Variants in ZNF251 observed in about 807,000 individuals in gnomAD.
ZNF251 encodes zinc finger protein 251.
In ZNF251, 14 loss-of-function variants were observed where a neutral mutation model predicts 13.5. The observed-to-expected ratio is 1.04, with a 90% CI of 0.69 to 1.63. ZNF251 has a LOEUF of 1.63. Ranked by LOEUF, ZNF251 falls within the 40% of genes most tolerant of loss-of-function variation. The pLI is 0.00. For missense variants in ZNF251, 764 were observed against 834.9 expected (o/e 0.92, Z 1.05); for synonymous variants, 287 against 295.2 (o/e 0.97, Z 0.28).
chr8:144,752,701 G>C (rs758532170), intron 4 of ZNF251, among the ~76,000 whole-genome samples: 2 of 152,148 alleles, frequency 1.3e-5, no homozygotes. Context: ...AAGAGATGGG[G>C]AAATTTTTGG....
intron 4 of ZNF251, among the ~76,000 whole-genome samples, chr8:144,753,274 G>GAAAA (rs11336657): frequency 4.8e-4 from 20 of 41,830 alleles, no homozygotes; most frequent in East Asian, 8.7e-4. Flanking sequence ...ATTCTGTCTC[G>GAAAA]AAAAAAAAAA....
chr8:144,745,550 T>C (rs114832590), intron 4 of ZNF251, among the ~76,000 whole-genome samples: 1,819 of 152,146 alleles, frequency 0.012, 35 homozygotes, highest in African/African-American at 0.042. Flanking sequence ...CCTGCTGAGT[T>C]TTTTTCGTTT....
rs1243482890 is a variant in ZNF251, at chr8:144,734,159, C to T, written c.278-10777G>A. On this transcript the variant is annotated intron_variant, in intron 4 of 4. Transcript: ENST00000292562. This position sits in a 1 kb window ranked among gnomAD's most constrained non-coding sequence, Gnocchi z 4.4. ...TGGGACCTTCCCATGCCACACCTGCCTGGTGTTTTCCTTTGTCCCAGCGCT... is the reference window on the plus strand; with the variant it reads ...TGGGACCTTCCCATGCCACACCTGCTTGGTGTTTTCCTTTGTCCCAGCGCT... 6.6e-6 allele frequency among the ~76,000 whole-genome samples: 1 copy of T among 152,222 alleles called. No homozygotes were observed. The highest frequency in any genetic ancestry group is 6.5e-5 in the Admixed American group (1 of 15,288).
intron 4 of ZNF251, among the ~76,000 whole-genome samples, chr8:144,752,855 TGAG>T (rs1425809693): frequency 6.6e-6 from 1 of 151,968 alleles, no homozygotes; most frequent in Non-Finnish European, 1.5e-5. Context: ...GGGAAAGGAA[TGAG>T]GAGGAAAAGG....
At chr8:144,739,642 T>TA (rs1460235300) in intron 4 of ZNF251, among the ~76,000 whole-genome samples, 3 of 152,350 alleles carry the variant, frequency 2.0e-5, no homozygotes, top group South Asian at 4.1e-4. Flanking sequence ...TTTGATGCTG[T>TA]AATCCCAGCA....
At chr8:144,743,150 G>C (rs528420059) in intron 4 of ZNF251, among the ~76,000 whole-genome samples, 10 of 152,108 alleles carry the variant, frequency 6.6e-5, no homozygotes, top group Non-Finnish European at 1.3e-4. Context: ...TGCAAACTCC[G>C]CCTCCCGGGT....
intron 4 of ZNF251, among the ~76,000 whole-genome samples, chr8:144,729,131 A>G (rs2129944881): frequency 6.6e-6 from 1 of 151,318 alleles, no homozygotes. Context: ...GCAAAGCCAC[A>G]ACAAAGTGAA....
At chr8:144,741,500 G>T (rs1380927140) in intron 4 of ZNF251, among the ~76,000 whole-genome samples, 2 of 152,146 alleles carry the variant, frequency 1.3e-5, no homozygotes, top group Non-Finnish European at 2.9e-5. Flanking sequence ...AATAGAGCAC[G>T]TTTTTGTGAG....
intron 4 of ZNF251, among the ~76,000 whole-genome samples, chr8:144,737,920 G>A (rs1823979467): frequency 6.6e-6 from 1 of 151,140 alleles, no homozygotes; most frequent in African/African-American, 2.4e-5. Flanking sequence ...TAAAATTCTT[G>A]GGCACTGTCT....
At chr8:144,754,509 C>T in intron 2 of ZNF251, 187 bp downstream of exon 2, 1 of 1,447,846 alleles carries the variant, frequency 6.9e-7, no homozygotes, top group Non-Finnish European at 9.1e-7. Flanking sequence ...ACACGGGGAC[C>T]CAGCTGAGCT....
chr8:144,728,800 A>C (rs1823597981), intron 4 of ZNF251, among the ~76,000 whole-genome samples: 1 of 152,166 alleles, frequency 6.6e-6, no homozygotes, highest in African/African-American at 2.4e-5. Flanking sequence ...TTTGTAAAAA[A>C]AAATGTTCGC....
chr8:144,746,672 C>T (rs934007237), intron 4 of ZNF251, among the ~76,000 whole-genome samples: 8 of 152,110 alleles, frequency 5.3e-5, no homozygotes, highest in South Asian at 4.1e-4. Context: ...ACAGACATAG[C>T]CCTATTCAGA....
chr8:144,732,546 CT>C (rs1292073922), intron 4 of ZNF251, among the ~76,000 whole-genome samples: 7 of 152,192 alleles, frequency 4.6e-5, no homozygotes, highest in African/African-American at 1.4e-4. Flanking sequence ...GGCGCGGTGG[CT>C]CACGCCTGTA....
In ZNF251 at chr8:144,721,375, C is replaced by T. The variant is rs902257933; in HGVS notation, c.*269G>A. On this transcript the variant is annotated 3_prime_UTR_variant, in exon 5 of 5. Transcript: ENST00000292562. ...GAGCACCAGCTGGGCTCACTTTTCA[C>T]GCCCTCCATCCATTCGTCATGAGTA... is the stretch of plus-strand genomic sequence containing the variant. 1.7e-5 allele frequency: 7 copies of T among 401,386 alleles called. No homozygotes were observed. Among genetic ancestry groups the T allele is most frequent in the Middle Eastern group, 6.2e-4 (1 of 1,620 alleles). The allele number at this position is 401,386 out of a possible 1,614,324, so 24.9% of individuals were successfully genotyped here.
Position 144,753,684 on chromosome 8 carries a change from T to G in ZNF251, c.276A>C (p.Lys92Asn). ...GATTAGCATCCCATCCATTCTCACC[T>G]TTCTGGCAGCTTTTCAAGATATCTG... ...EEPDILKSCQKDSEVGTKKEL... is the reference protein window; with the variant it reads ...EEPDILKSCQNDSEVGTKKEL... The change falls in exon 4 of 5, where the codon AAA becomes AAC. Residue 92 changes from lysine to asparagine, a missense_variant and splice_region_variant. Coordinates refer to ENST00000292562, the MANE Select transcript of ZNF251 (RefSeq NM_138367.2). 2 of 1,571,028 alleles carry G rather than the reference T, an allele frequency of 1.3e-6. No homozygotes were observed. Among genetic ancestry groups the G allele is most frequent in the South Asian group, 2.3e-5 (2 of 85,570 alleles).
At chr8:144,725,714 C>T (rs1425332189) in intron 4 of ZNF251, among the ~76,000 whole-genome samples, 1 of 152,178 alleles carries the variant, frequency 6.6e-6, no homozygotes, top group East Asian at 1.9e-4. Context: ...ATGCTACATG[C>T]TCCAACAGTG....
intron 4 of ZNF251, among the ~76,000 whole-genome samples, chr8:144,732,802 A>C (rs1392222807): frequency 1.7e-5 from 2 of 119,290 alleles, no homozygotes; most frequent in Non-Finnish European, 3.4e-5. Context: ...ACAGAGCGAG[A>C]CTCCGTCTCA....
intron 4 of ZNF251, among the ~76,000 whole-genome samples, chr8:144,730,515 G>A (rs1317724096): frequency 3.1e-5 from 3 of 97,076 alleles, no homozygotes; most frequent in African/African-American, 4.2e-5. Flanking sequence ...CGCTGCGACG[G>A]GGCGTCCCGG....
At chr8:144,746,899 G>GT (rs891357000) in intron 4 of ZNF251, among the ~76,000 whole-genome samples, 12 of 151,794 alleles carry the variant, frequency 7.9e-5, no homozygotes, top group African/African-American at 2.9e-4. Context: ...TGATTTTATT[G>GT]TTTTTTCAAA....
Sources: allele counts gnomAD v4.1 joint callset (sites outside exome capture counted in the v4.1 genomes callset), GRCh38; gene constraint gnomAD v4.1.1; non-coding constraint Gnocchi (gnomAD v3.1); transcripts MANE v1.5; gene names NCBI Gene and HGNC (gene_info 2026-07-23, HGNC 2026-07-21).